The following MYO16 variants were observed in gnomAD, a reference collection of about 807,000 sequenced individuals.
The protein encoded by MYO16 is unconventional myosin-XVI.
A neutral mutation model predicts 205.3 loss-of-function variants in MYO16; 94 were observed. The observed-to-expected ratio is 0.46, with a 90% CI of 0.39 to 0.54. The LOEUF (loss-of-function observed/expected upper bound fraction) is 0.54. Ranked by LOEUF, MYO16 falls within the 20% of genes least tolerant of loss-of-function variation. The pLI is 0.00. For missense variants in MYO16, 2,315 were observed against 2,387.5 expected (o/e 0.97, Z 0.63); for synonymous variants, 988 against 954.0 (o/e 1.04, Z -0.66).
At chr13:109,135,806 A>G (rs1388477684) in intron 31 of MYO16, among the ~76,000 whole-genome samples, 1 of 152,160 alleles carries the variant, frequency 6.6e-6, no homozygotes, top group Admixed American at 6.5e-5. Context: ...ACACCCACAA[A>G]TCTTTCTGAG....
intron 1 of MYO16, among the ~76,000 whole-genome samples, chr13:108,605,011 CT>C (rs1258048107): frequency 1.3e-5 from 2 of 152,280 alleles, no homozygotes; most frequent in South Asian, 2.1e-4. Flanking sequence ...AACATTTCTA[CT>C]TTTTCAGGAA....
At chr13:108,519,880 A>G in the MYO16 span, among the ~76,000 whole-genome samples, 3 of 152,212 alleles carry the variant, frequency 2.0e-5, no homozygotes, top group Non-Finnish European at 2.9e-5. Context: ...ATAAGTTTTG[A>G]GAAGATGAGT....
At chr13:109,052,159 G>A (rs1887265249) in intron 24 of MYO16, 141 bp from the exon 25 acceptor site, 1 of 681,178 alleles carries the variant, frequency 1.5e-6, no homozygotes, top group South Asian at 1.7e-5. Flanking sequence ...TACAGGAAAA[G>A]GTAGACTCCT....
chr13:108,828,130 C>A (rs115528019), intron 9 of MYO16, among the ~76,000 whole-genome samples: 2,040 of 152,272 alleles, frequency 0.013, 40 homozygotes, highest in African/African-American at 0.044. Flanking sequence ...GACGCATGTC[C>A]TGTTACTTAA....
At chr13:109,163,551 T>C (rs898272245) in intron 32 of MYO16, among the ~76,000 whole-genome samples, 3 of 146,106 alleles carry the variant, frequency 2.1e-5, no homozygotes, top group African/African-American at 7.5e-5. Flanking sequence ...TTCTTTCCTT[T>C]TTTGCTTTCT....
In MYO16 at chr13:108,785,620, T is replaced by C; in HGVS notation, c.508-15T>C. On this transcript the variant is annotated splice_polypyrimidine_tract_variant and intron_variant, in intron 4 of 34. Coordinates refer to ENST00000457511, the MANE Select transcript of MYO16 (RefSeq NM_001198950.3). ...AACAGTATATATGATGTTATATTTTTTTCTTTTTATCTAGGCTGGAGCCAA... is the reference window on the plus strand; with the variant it reads ...AACAGTATATATGATGTTATATTTTCTTCTTTTTATCTAGGCTGGAGCCAA... 6.6e-7 allele frequency: 1 copy of C among 1,524,388 alleles called. No homozygotes were observed. Among genetic ancestry groups the C allele is most frequent in the East Asian group, 2.3e-5 (1 of 44,402 alleles). The allele number at this position is 1,524,388 out of a possible 1,614,324, so 94.4% of individuals were successfully genotyped here.
At chr13:108,694,882 G>T (rs1018633394) in intron 2 of MYO16, among the ~76,000 whole-genome samples, 2 of 152,134 alleles carry the variant, frequency 1.3e-5, no homozygotes, top group African/African-American at 4.8e-5. Context: ...GGAGGCTGAG[G>T]CGGGTGGATC....
chr13:108,557,443 A>G, the MYO16 span, among the ~76,000 whole-genome samples: 1 of 152,204 alleles, frequency 6.6e-6, no homozygotes, highest in Non-Finnish European at 1.5e-5. Context: ...CCATGTAAAC[A>G]TACACATACT....
intron 3 of MYO16, among the ~76,000 whole-genome samples, chr13:108,713,511 G>T (rs766061252): frequency 5.3e-5 from 8 of 152,110 alleles, no homozygotes; most frequent in Admixed American, 1.3e-4. Flanking sequence ...GGATCATGTG[G>T]GTGTTATTAA....
intron 4 of MYO16, among the ~76,000 whole-genome samples, chr13:108,740,734 T>C (rs568576031): frequency 1.3e-5 from 2 of 152,188 alleles, no homozygotes; most frequent in Admixed American, 6.5e-5. Flanking sequence ...CCCCCAGAGG[T>C]GGAGTCTACA....
At chr13:108,797,432 G>T (rs1426647457) in intron 6 of MYO16, among the ~76,000 whole-genome samples, 1 of 151,990 alleles carries the variant, frequency 6.6e-6, no homozygotes, top group Non-Finnish European at 1.5e-5. Context: ...AGAAGAGGAG[G>T]CTCCAGAAAT....
At chr13:108,938,190 C>A (rs1176974685) in intron 16 of MYO16, among the ~76,000 whole-genome samples, 1 of 151,972 alleles carries the variant, frequency 6.6e-6, no homozygotes, top group Non-Finnish European at 1.5e-5. Context: ...CTGTGTACAC[C>A]TATGTACTTT....
chr13:108,703,711 C>T (rs1036366362), intron 2 of MYO16, among the ~76,000 whole-genome samples: 1 of 152,148 alleles, frequency 6.6e-6, no homozygotes, highest in Non-Finnish European at 1.5e-5. Context: ...TATGTTCTCT[C>T]ACCATAATGG....
intron 16 of MYO16, among the ~76,000 whole-genome samples, chr13:108,917,297 A>T (rs1881540558): frequency 6.6e-6 from 1 of 152,160 alleles, no homozygotes; most frequent in Non-Finnish European, 1.5e-5. Flanking sequence ...GAAGAAATAC[A>T]TTTGGCTCCT....
chr13:108,540,327 G>A, the MYO16 span, among the ~76,000 whole-genome samples: 5 of 152,264 alleles, frequency 3.3e-5, no homozygotes, highest in East Asian at 5.8e-4. Flanking sequence ...CACAAAGGTT[G>A]TATTTTGTAG....
rs772061371 is a variant in MYO16, at chr13:109,140,546, A to G, written c.4334A>G (p.Asp1445Gly). ...IEMLGHAARP[D>G]SPDPGESVYE... ...ATGCTGGGGCACGCGGCCAGGCCCG[A>G]TAGCCCGGACCCCGGGGAGTCCGTG... The change falls in exon 32 of 35, where the codon GAT becomes GGT. Residue 1445 changes from aspartate (D) to glycine (G), a missense_variant. Physicochemically the swap from Asp to Gly is moderately conservative, Grantham distance 94 (BLOSUM62 -1). Around this residue, in one of 3 missense-constraint regions of MYO16, gnomAD observed 1,097 missense variants for 1,092.0 expected, o/e 1.00. Coordinates refer to ENST00000457511, the MANE Select transcript of MYO16 (RefSeq NM_001198950.3). This position sits in a 1 kb window ranked among gnomAD's most constrained non-coding sequence, Gnocchi z 8.0. 11 of 1,546,424 alleles carry G rather than the reference A, an allele frequency of 7.1e-6. No homozygotes were observed. The African/African-American group carries it at 1.5e-4, about 22-fold the overall frequency.
At chr13:108,688,872 C>A (rs1441038402) in intron 2 of MYO16, among the ~76,000 whole-genome samples, 3 of 152,160 alleles carry the variant, frequency 2.0e-5, no homozygotes, top group African/African-American at 7.2e-5. Context: ...TGGCATGATG[C>A]AAGTCAAGTT....
At chr13:108,726,513 C>T (rs918429078) in intron 3 of MYO16, among the ~76,000 whole-genome samples, 8 of 150,002 alleles carry the variant, frequency 5.3e-5, no homozygotes, top group Admixed American at 3.3e-4. Flanking sequence ...GAGCTGAGAT[C>T]GCGCCACTGC....
At chr13:108,679,338 A>G (rs1882361762) in intron 2 of MYO16, among the ~76,000 whole-genome samples, 1 of 152,156 alleles carries the variant, frequency 6.6e-6, no homozygotes, top group Non-Finnish European at 1.5e-5. Flanking sequence ...ATAACCTTGA[A>G]GCAAATTCTT....
Sources: allele counts gnomAD v4.1 joint callset (sites outside exome capture counted in the v4.1 genomes callset), GRCh38; gene constraint gnomAD v4.1.1; regional missense constraint gnomAD v4.1.1; non-coding constraint Gnocchi (gnomAD v3.1); transcripts MANE v1.5; gene names NCBI Gene and HGNC (gene_info 2026-07-23, HGNC 2026-07-21).